The following PLEKHA5 variants were observed in gnomAD, a reference collection of about 807,000 sequenced individuals.
PLEKHA5 encodes pleckstrin homology domain-containing family A member 5.
A neutral mutation model predicts 181.9 loss-of-function variants in PLEKHA5; 55 were observed. That is an observed-to-expected ratio of 0.30 (90% confidence interval 0.24 to 0.38). The LOEUF (loss-of-function observed/expected upper bound fraction) is 0.38. PLEKHA5 is among the 10% of genes least tolerant of loss of function. The pLI is 1.00. For synonymous variants in PLEKHA5, 535 were observed against 529.4 expected, an observed-to-expected ratio of 1.01 and a Z score of -0.15; for missense variants, 1,432 against 1,549.5, an observed-to-expected ratio of 0.92 and a Z score of 1.27.
chr12:19,309,767 C>G (rs1479654608), intron 15 of PLEKHA5, among the ~76,000 whole-genome samples: 1 of 151,820 alleles, frequency 6.6e-6, no homozygotes, highest in Admixed American at 6.6e-5. Flanking sequence ...AATAAAATCT[C>G]AAGTTGTATA....
At chr12:19,166,595 A>G (rs1205719888) in intron 3 of PLEKHA5, among the ~76,000 whole-genome samples, 1 of 152,158 alleles carries the variant, frequency 6.6e-6, no homozygotes, top group African/African-American at 2.4e-5. Context: ...CACCTATGCA[A>G]AGATCAGTGG....
chr12:19,291,499 A>G (rs2078437107), intron 14 of PLEKHA5, 145 bp from the exon 15 acceptor site: 1 of 512,818 alleles, frequency 2.0e-6, no homozygotes, highest in Non-Finnish European at 3.4e-6. Context: ...TACCATTTAC[A>G]GGGGAGCATG....
chr12:19,333,285 CAAAAA>C (rs904942641), intron 20 of PLEKHA5, among the ~76,000 whole-genome samples: 1 of 150,504 alleles, frequency 6.6e-6, no homozygotes, highest in Non-Finnish European at 1.5e-5. Context: ...AACTCCATCT[CAAAAA>C]AAAGAAGGCC....
chr12:19,237,780 C>A (rs1185504379), intron 3 of PLEKHA5, among the ~76,000 whole-genome samples: 1 of 151,794 alleles, frequency 6.6e-6, no homozygotes, highest in Non-Finnish European at 1.5e-5. Context: ...TTAATAATAT[C>A]AATTCATGTT....
At chr12:19,177,095 T>G (rs1420701880) in intron 3 of PLEKHA5, among the ~76,000 whole-genome samples, 1 of 152,032 alleles carries the variant, frequency 6.6e-6, no homozygotes, top group Non-Finnish European at 1.5e-5. Flanking sequence ...CTTGATCTCC[T>G]GACCTCGTGA....
chr12:19,312,838 G>A (rs2087046903), intron 15 of PLEKHA5, among the ~76,000 whole-genome samples: 2 of 152,164 alleles, frequency 1.3e-5, no homozygotes, highest in Admixed American at 1.3e-4. Flanking sequence ...ACCACAAGAG[G>A]TCTAGTTTTC....
At chr12:19,229,977 G>A (rs551542584) in intron 3 of PLEKHA5, among the ~76,000 whole-genome samples, 1 of 152,308 alleles carries the variant, frequency 6.6e-6, no homozygotes, top group South Asian at 2.1e-4. Flanking sequence ...TAGATACAGA[G>A]TGCTGATTGG....
chr12:19,166,576 C>A (rs1288000530), intron 3 of PLEKHA5, among the ~76,000 whole-genome samples: 1 of 152,124 alleles, frequency 6.6e-6, no homozygotes, highest in African/African-American at 2.4e-5. Flanking sequence ...CAGGAACTTT[C>A]CTCCCTGGCA....
intron 3 of PLEKHA5, among the ~76,000 whole-genome samples, chr12:19,148,211 C>T (rs769114782): frequency 6.6e-6 from 1 of 152,270 alleles, no homozygotes; most frequent in South Asian, 2.1e-4. Context: ...CACCTGCCAC[C>T]ACGCCTGACT....
chr12:19,279,550 C>A (rs2075508162), intron 11 of PLEKHA5, among the ~76,000 whole-genome samples: 1 of 151,884 alleles, frequency 6.6e-6, no homozygotes, highest in Non-Finnish European at 1.5e-5. Context: ...GTAATCACAG[C>A]TACTCGGGAG....
chr12:19,361,483 G>A (rs1267477898), intron 28 of PLEKHA5, 99 bp from the exon 29 acceptor site: 6 of 690,254 alleles, frequency 8.7e-6, no homozygotes, highest in South Asian at 3.9e-5. Flanking sequence ...ACGCCCGACC[G>A]TGATTGTTCA....
chr12:19,297,615 C>T (rs375141632), intron 15 of PLEKHA5, among the ~76,000 whole-genome samples: 56 of 126,250 alleles, frequency 4.4e-4, no homozygotes, highest in African/African-American at 1.6e-3. Context: ...GGCGACAGAG[C>T]GAGGCTCCGT....
At chr12:19,234,832 T>C (rs1719715396) in intron 3 of PLEKHA5, among the ~76,000 whole-genome samples, 1 of 152,180 alleles carries the variant, frequency 6.6e-6, no homozygotes, top group Admixed American at 6.5e-5. Flanking sequence ...GAAGATCAAA[T>C]TGATTTGGGG....
intron 3 of PLEKHA5, among the ~76,000 whole-genome samples, chr12:19,240,029 A>C (rs908035172): frequency 6.6e-6 from 1 of 152,252 alleles, no homozygotes; most frequent in African/African-American, 2.4e-5. Flanking sequence ...CGTTTTTTAC[A>C]AAATCTTTTT....
At chr12:19,133,793 C>T (rs78306495) in intron 3 of PLEKHA5, among the ~76,000 whole-genome samples, 10,221 of 151,852 alleles carry the variant, frequency 0.067, 688 homozygotes, top group East Asian at 0.19. Flanking sequence ...GGAGATTATA[C>T]TATACATTAT....
chr12:19,335,477 G>A (rs2093346167), intron 20 of PLEKHA5, among the ~76,000 whole-genome samples: 2 of 147,736 alleles, frequency 1.4e-5, no homozygotes, highest in Admixed American at 1.3e-4. Context: ...GTGCAATGGT[G>A]CAATCTCGGC....
chr12:19,205,638 C>T (rs1467235091), intron 3 of PLEKHA5, among the ~76,000 whole-genome samples: 1 of 152,042 alleles, frequency 6.6e-6, no homozygotes, highest in African/African-American at 2.4e-5. Flanking sequence ...CAGTACATTT[C>T]TGAGGTGACA....
chr12:19,204,241 G>A (rs2054861809), intron 3 of PLEKHA5, among the ~76,000 whole-genome samples: 1 of 152,098 alleles, frequency 6.6e-6, no homozygotes, highest in Non-Finnish European at 1.5e-5. Context: ...GAAGGGAAAA[G>A]CACTAATTAG....
chr12:19,356,715 C>T (rs955654300), intron 26 of PLEKHA5, among the ~76,000 whole-genome samples: 17 of 125,296 alleles, frequency 1.4e-4, no homozygotes, highest in Non-Finnish European at 2.5e-4. Context: ...CGCCCAGGTG[C>T]AATGGCGTGA....
Sources: allele counts gnomAD v4.1 joint callset (sites outside exome capture counted in the v4.1 genomes callset), GRCh38; gene constraint gnomAD v4.1.1; transcripts MANE v1.5; gene names NCBI Gene and HGNC (gene_info 2026-07-23, HGNC 2026-07-21).